The following ACTN1 variants were observed in gnomAD, a reference collection of about 807,000 sequenced individuals.
ACTN1 encodes the protein actinin alpha 1.
In ACTN1, 30 loss-of-function variants were observed where a neutral mutation model predicts 119.6. That is an observed-to-expected ratio of 0.25 (90% CI 0.19 to 0.34). The LOEUF (loss-of-function observed/expected upper bound fraction) is 0.34. Ranked by LOEUF, ACTN1 falls within the 10% of genes least tolerant of loss-of-function variation. ACTN1 has a pLI of 1.00. For synonymous variants in ACTN1, 429 were observed against 472.6 expected (o/e 0.91, Z 1.20); for missense variants, 764 against 1,223.4 (o/e 0.62, Z 5.60).
intron 14 of ACTN1, chr14:68,883,257 A>G (rs1457286041): frequency 1.5e-5 from 9 of 594,614 alleles, no homozygotes; most frequent in Non-Finnish European, 2.6e-5. Flanking sequence ...CTTCATCCTT[A>G]GGGCTGGTCA....
chr14:68,956,605 G>C (rs2140573228), intron 1 of ACTN1, among the ~76,000 whole-genome samples: 1 of 152,194 alleles, frequency 6.6e-6, no homozygotes, highest in Non-Finnish European at 1.5e-5. Flanking sequence ...CTCTCCACTT[G>C]GGTAGCAGAG....
At position 68,880,367 on chromosome 14, in the gene ACTN1, C is replaced by CAGGAAGGAGGGCAGATTTGG. The variant is rs1344391991; in HGVS notation, c.2134-279_2134-260dup. The stretch of plus-strand genomic sequence containing the variant: ...CAGGACTTGCCAATGGGGGTCAGGT[C>CAGGAAGGAGGGCAGATTTGG]AGGAAGGAGGGCAGATTTGGGGGTA... On this transcript the variant is annotated intron_variant, in intron 17 of 21. Transcript: ENST00000394419. This position sits in a 1 kb window ranked among gnomAD's most constrained non-coding sequence, Gnocchi z 4.6. 6.6e-6 allele frequency among the ~76,000 whole-genome samples: 1 copy of CAGGAAGGAGGGCAGATTTGG among 152,100 alleles called. No individual in the cohort carries two copies. The highest frequency in any genetic ancestry group is 1.5e-5 in the Non-Finnish European group (1 of 68,018).
At chr14:68,876,661 G>A (rs569485681) in intron 21 of ACTN1, among the ~76,000 whole-genome samples, 10 of 152,258 alleles carry the variant, frequency 6.6e-5, no homozygotes, top group Admixed American at 6.5e-4. Context: ...TAGAAAACAC[G>A]AGAGACATGC....
rs1445424317 is a variant in ACTN1, at chr14:68,882,021, C to T, written c.1953+437G>A. On this transcript the variant is annotated intron_variant, in intron 16 of 21. Transcript: ENST00000394419. This position sits in a 1 kb window ranked among gnomAD's most constrained non-coding sequence, Gnocchi z 4.5. ...CGTAATCTCAGCTCACTGCAATCTC[C>T]GTCTCCCGGGTTCAAGCGATTCTCC... 6.8e-6 allele frequency among the ~76,000 whole-genome samples: 1 copy of T among 147,676 alleles called. No individual in the cohort carries two copies. Among genetic ancestry groups the T allele is most frequent in the Non-Finnish European group, 1.5e-5 (1 of 67,580 alleles).
At chr14:68,950,294 C>CAAAAAAAA (rs60899029) in intron 1 of ACTN1, among the ~76,000 whole-genome samples, 1 of 121,524 alleles carries the variant, frequency 8.2e-6, no homozygotes, top group Non-Finnish European at 1.8e-5. Flanking sequence ...GTTGTTGTCT[C>CAAAAAAAA]AAAAAAAAAA....
At chr14:68,966,525 G>A (rs1426579447) in intron 1 of ACTN1, among the ~76,000 whole-genome samples, 1 of 152,050 alleles carries the variant, frequency 6.6e-6, no homozygotes, top group African/African-American at 2.4e-5. Flanking sequence ...CCTGTTCCTG[G>A]GGGACAAGAT....
At chr14:68,898,442 CATT>C (rs2033032089) in intron 8 of ACTN1, among the ~76,000 whole-genome samples, 1 of 152,242 alleles carries the variant, frequency 6.6e-6, no homozygotes, top group Non-Finnish European at 1.5e-5. Flanking sequence ...TGCACACACA[CATT>C]AGGCGCTGTT....
chr14:68,882,408 C>CCG lies in ACTN1; in HGVS notation c.1953+49_1953+50insCG. ...GCAGCCTGGCTGGCTAGGATAGTGT[C>CCG]GGGGGGGAGGGGTGGGAGCCCCAGC... On this transcript the variant is annotated intron_variant, in intron 16 of 21. Transcript: ENST00000394419. The surrounding 1 kb of genome is among the most constrained non-coding windows in gnomAD (Gnocchi z 4.5). 1 of 1,140,610 alleles carries CCG rather than the reference C, an allele frequency of 8.8e-7. No homozygotes were observed. Among genetic ancestry groups the CCG allele is most frequent in the Non-Finnish European group, 1.2e-6 (1 of 803,180 alleles). 70.7% of individuals were successfully genotyped at this position (1,140,610 alleles called of 1,614,324 possible).
chr14:68,961,323 T>C (rs2036531497), intron 1 of ACTN1, among the ~76,000 whole-genome samples: 1 of 152,204 alleles, frequency 6.6e-6, no homozygotes, highest in Non-Finnish European at 1.5e-5. Context: ...ATTACCGCTA[T>C]CAGAATAATG....
At chr14:68,917,289 C>T (rs991477143) in intron 3 of ACTN1, among the ~76,000 whole-genome samples, 2 of 152,218 alleles carry the variant, frequency 1.3e-5, no homozygotes, top group African/African-American at 4.8e-5. Flanking sequence ...CCTCCCAGAG[C>T]CCCGGCTCCA....
At chr14:68,897,033 A>AGTGC (rs2140193002) in intron 8 of ACTN1, among the ~76,000 whole-genome samples, 1 of 152,308 alleles carries the variant, frequency 6.6e-6, no homozygotes, top group East Asian at 1.9e-4. Flanking sequence ...CCCAGGCTGG[A>AGTGC]GTGCGATGGC....
intron 1 of ACTN1, among the ~76,000 whole-genome samples, chr14:68,936,302 C>G (rs543495589): frequency 6.6e-6 from 1 of 152,224 alleles, no homozygotes; most frequent in Non-Finnish European, 1.5e-5. Context: ...TAACCCTTCT[C>G]AGCAAGCAGA....
rs763988623 is a variant in ACTN1, at chr14:68,921,148, A to G, written c.221-23T>C. 3.7e-6 allele frequency: 6 copies of G among 1,613,174 alleles called. No homozygotes were observed. In the African/African-American group the frequency reaches 5.3e-5, roughly 14 times the overall value. ...CACCTGTTTGGATCAAGAGGGAGGAAGAGGAAGGTGAGACGCTATGAGCCA... is the reference window on the plus strand; with the variant it reads ...CACCTGTTTGGATCAAGAGGGAGGAGGAGGAAGGTGAGACGCTATGAGCCA... On this transcript the variant is annotated intron_variant, in intron 2 of 21. Coordinates refer to ENST00000394419, the MANE Select transcript of ACTN1 (RefSeq NM_001130004.2).
At chr14:68,935,504 G>A (rs2035456190) in intron 1 of ACTN1, among the ~76,000 whole-genome samples, 2 of 145,890 alleles carry the variant, frequency 1.4e-5, no homozygotes, top group South Asian at 4.4e-4. Flanking sequence ...TCCTGCCTCA[G>A]CCTCCTGAGT....
intron 3 of ACTN1, among the ~76,000 whole-genome samples, chr14:68,914,080 G>C (rs2034155063): frequency 6.6e-6 from 1 of 152,016 alleles, no homozygotes; most frequent in Non-Finnish European, 1.5e-5. Context: ...AAATTAAACA[G>C]GCATGGTAGT....
chr14:68,977,806 C>T, intron 1 of ACTN1: 2 of 368,946 alleles, frequency 5.4e-6, no homozygotes, highest in Non-Finnish European at 5.5e-6. Context: ...CCTGTCCCCC[C>T]CCCACCCAAA....
chr14:68,922,083 G>T (rs1453949372), intron 2 of ACTN1, among the ~76,000 whole-genome samples: 2 of 152,146 alleles, frequency 1.3e-5, no homozygotes, highest in Non-Finnish European at 2.9e-5. Flanking sequence ...TAGCTTTCAG[G>T]GTCTCTAAGG....
At chr14:68,893,792 C>T in intron 8 of ACTN1, 45 bp from the exon 9 acceptor site, 1 of 1,592,628 alleles carries the variant, frequency 6.3e-7, no homozygotes, top group South Asian at 1.1e-5. Flanking sequence ...GCCCCAGCAG[C>T]AGGGGCACCT....
intron 8 of ACTN1, chr14:68,900,905 G>C (rs1312628920): frequency 6.6e-6 from 1 of 152,356 alleles, no homozygotes; most frequent in Admixed American, 6.5e-5. Context: ...TGAAACATTA[G>C]GTCACACGGC....
Sources: allele counts gnomAD v4.1 joint callset (sites outside exome capture counted in the v4.1 genomes callset), GRCh38; gene constraint gnomAD v4.1.1; non-coding constraint Gnocchi (gnomAD v3.1); transcripts MANE v1.5; gene names NCBI Gene and HGNC (gene_info 2026-07-23, HGNC 2026-07-21).